The following GADL1 variants were observed in gnomAD, a reference collection of about 807,000 sequenced individuals.
GADL1 encodes the protein acidic amino acid decarboxylase GADL1.
GADL1 carries 71 observed loss-of-function variants against 69.5 expected under a neutral mutation model. The ratio of observed to expected loss-of-function variants is 1.02; its 90% CI spans 0.84 to 1.25. The LOEUF (loss-of-function observed/expected upper bound fraction) is 1.25, where lower values mean the gene tolerates loss of function less well. Among genes scored for constraint, GADL1 ranks in the 50% most tolerant of loss-of-function variants. The probability of loss-of-function intolerance (pLI) is 0.00; values close to 1 mark genes in which losing one functional copy is unlikely to be tolerated. For synonymous variants in GADL1, 254 were observed against 214.4 expected, an observed-to-expected ratio of 1.18 and a Z score of -1.62; for missense variants, 737 against 631.8, an observed-to-expected ratio of 1.17 and a Z score of -1.79.
chr3:30,759,242 T>G (rs1321865844), intron 14 of GADL1, among the ~76,000 whole-genome samples: 1 of 141,950 alleles, frequency 7.0e-6, no homozygotes, highest in East Asian at 2.1e-4. Context: ...GCTCTCACAA[T>G]GATTATGTAA....
intron 11 of GADL1, among the ~76,000 whole-genome samples, chr3:30,810,005 G>GA (rs1282787906): frequency 1.3e-5 from 2 of 152,168 alleles, no homozygotes; most frequent in African/African-American, 2.4e-5. Context: ...GAAGTTTGCT[G>GA]ATACATGAGG....
chr3:30,799,280 G>A (rs370742819), intron 12 of GADL1: 8 of 152,340 alleles, frequency 5.3e-5, no homozygotes, highest in African/African-American at 1.9e-4. Flanking sequence ...TGAAATTTAG[G>A]TGGAGGTTCC....
chr3:30,869,303 C>G (rs1355252868), intron 1 of GADL1, among the ~76,000 whole-genome samples: 1 of 151,750 alleles, frequency 6.6e-6, no homozygotes, highest in Non-Finnish European at 1.5e-5. Flanking sequence ...GAATTTCACA[C>G]TGGTTTTAAA....
chr3:30,779,770 CCT>C (rs1285506174), intron 13 of GADL1, among the ~76,000 whole-genome samples: 2 of 152,158 alleles, frequency 1.3e-5, no homozygotes, highest in African/African-American at 4.8e-5. Flanking sequence ...CAATTTATTG[CCT>C]CTCAGCCAGA....
intron 1 of GADL1, among the ~76,000 whole-genome samples, chr3:30,870,827 G>GTT (rs1359912623): frequency 6.6e-6 from 1 of 151,678 alleles, no homozygotes; most frequent in Non-Finnish European, 1.5e-5. Flanking sequence ...TAATTCTTAG[G>GTT]TTTGAGACCC....
At chr3:30,759,198 G>A (rs1247892983) in intron 14 of GADL1, among the ~76,000 whole-genome samples, 1 of 152,178 alleles carries the variant, frequency 6.6e-6, no homozygotes, top group African/African-American at 2.4e-5. Context: ...GGGCAGCCCA[G>A]TTCTAGGGTA....
intron 1 of GADL1, among the ~76,000 whole-genome samples, chr3:30,884,038 T>C (rs1486854512): frequency 1.3e-5 from 2 of 151,972 alleles, no homozygotes; most frequent in Admixed American, 6.6e-5. Context: ...CAACTCCAAA[T>C]GCTTCCACGT....
chr3:30,805,734 C>CTTTTTT lies in GADL1; in HGVS notation c.1051-4652_1051-4647dup, dbSNP rs34788058. Among the ~76,000 whole-genome samples the CTTTTTT allele has an allele frequency of 1.5e-3, 101 of 66,092 alleles. 5 individuals are homozygous for CTTTTTT. Among genetic ancestry groups the CTTTTTT allele is most frequent in the African/African-American group, 6.4e-3 (76 of 11,834 alleles). 43.4% of individuals were successfully genotyped at this position (66,092 alleles called of 152,430 possible). On this transcript the variant is annotated intron_variant, in intron 11 of 14. Transcript: ENST00000282538. ...ATTCTGTGCACCAGCAGTCCCCAGC[C>CTTTTTT]TTTTTTTTTTTTTTTTTTTTTTTTG... is the stretch of plus-strand genomic sequence containing the variant.
intron 11 of GADL1, among the ~76,000 whole-genome samples, chr3:30,823,763 G>T (rs535028925): frequency 5.9e-5 from 9 of 151,990 alleles, no homozygotes; most frequent in African/African-American, 1.9e-4. Context: ...GTATATAAAA[G>T]CTAATCTTAA....
At chr3:30,792,269 G>A (rs1242677083) in intron 12 of GADL1, among the ~76,000 whole-genome samples, 4 of 152,088 alleles carry the variant, frequency 2.6e-5, no homozygotes, top group Non-Finnish European at 5.9e-5. Context: ...ATTGATTTTT[G>A]TCTATGCTTA....
intron 14 of GADL1, among the ~76,000 whole-genome samples, chr3:30,732,351 A>C (rs372280844): frequency 1.3e-5 from 2 of 152,288 alleles, no homozygotes; most frequent in South Asian, 2.1e-4. Flanking sequence ...TCAAATTGTA[A>C]ATCAAATTCT....
intron 14 of GADL1, among the ~76,000 whole-genome samples, chr3:30,773,153 T>A (rs1430733476): frequency 2.0e-5 from 3 of 152,204 alleles, no homozygotes; most frequent in Admixed American, 1.3e-4. Context: ...ATTAAAACAT[T>A]TTAATATTTA....
At chr3:30,846,296 C>A (rs967112918) in intron 6 of GADL1, among the ~76,000 whole-genome samples, 2 of 152,144 alleles carry the variant, frequency 1.3e-5, no homozygotes, top group Admixed American at 6.5e-5. Flanking sequence ...AACCTCCCCA[C>A]AGGTTTCATA....
intron 1 of GADL1, among the ~76,000 whole-genome samples, chr3:30,888,943 T>A (rs1283896469): frequency 1.3e-5 from 2 of 151,774 alleles, no homozygotes; most frequent in Non-Finnish European, 2.9e-5. Flanking sequence ...CAGTAAAATT[T>A]TTGCAATATA....
intron 12 of GADL1, chr3:30,799,645 C>T (rs1325941467): frequency 1.3e-5 from 2 of 152,124 alleles, no homozygotes; most frequent in African/African-American, 4.8e-5. Context: ...TGAATTTCTC[C>T]TCAAAAAATG....
chr3:30,788,211 GTAA>G (rs1244344737), intron 12 of GADL1, among the ~76,000 whole-genome samples: 1 of 152,136 alleles, frequency 6.6e-6, no homozygotes, highest in Admixed American at 6.5e-5. Context: ...TTCAAAATCA[GTAA>G]TAATCAAAGA....
intron 14 of GADL1, among the ~76,000 whole-genome samples, chr3:30,766,023 C>T (rs1433753776): frequency 2.6e-5 from 4 of 152,120 alleles, no homozygotes; most frequent in Admixed American, 2.6e-4. Context: ...CTTGGGAAAG[C>T]TGAGAGGCTG....
chr3:30,880,091 A>G (rs2125544392), intron 1 of GADL1, among the ~76,000 whole-genome samples: 1 of 152,020 alleles, frequency 6.6e-6, no homozygotes, highest in Non-Finnish European at 1.5e-5. Flanking sequence ...ATTCCTGAAA[A>G]CACAGTCCTC....
chr3:30,826,557 C>G (rs931619926), intron 11 of GADL1, among the ~76,000 whole-genome samples: 12 of 151,822 alleles, frequency 7.9e-5, no homozygotes, highest in African/African-American at 2.9e-4. Context: ...TCAGTAAGAC[C>G]AGGTGGCAGC....
Sources: gnomAD v4.1 joint callset for allele counts (sites outside exome capture counted in the v4.1 genomes callset) on GRCh38, gnomAD v4.1.1 for gene constraint, MANE v1.5 for transcripts, NCBI Gene and HGNC (gene_info 2026-07-23, HGNC 2026-07-21) for gene names.